Variants in LMTK2 observed in about 807,000 individuals in gnomAD.
LMTK2 encodes the protein serine/threonine-protein kinase LMTK2.
LMTK2 carries 37 observed loss-of-function variants against 127.5 expected under a neutral mutation model. The ratio of observed to expected loss-of-function variants is 0.29; its 90% CI spans 0.22 to 0.38. LMTK2 has a LOEUF of 0.38. Among genes scored for constraint, LMTK2 ranks in the 10% least tolerant of loss-of-function variants. The pLI, the probability that LMTK2 is intolerant of heterozygous loss-of-function variation, is 1.00. For synonymous variants in LMTK2, 819 were observed against 810.1 expected (o/e 1.01, Z -0.19); for missense variants, 1,694 against 1,920.3 (o/e 0.88, Z 2.20).
At chr7:98,126,390 T>G (rs543538789) in intron 1 of LMTK2, among the ~76,000 whole-genome samples, 52 of 152,332 alleles carry the variant, frequency 3.4e-4, no homozygotes, top group African/African-American at 1.1e-3. Flanking sequence ...TCTCTCCTTC[T>G]GGGACTAGAT....
Position 98,171,535 on chromosome 7 carries a change from T to C in LMTK2, c.658-6T>C. 6.2e-7 allele frequency: 1 copy of C among 1,614,082 alleles called. No individual in the cohort carries two copies. The highest frequency in any genetic ancestry group is 8.5e-7 in the Non-Finnish European group (1 of 1,180,050). On this transcript the variant is annotated splice_region_variant and splice_polypyrimidine_tract_variant and intron_variant, in intron 6 of 13. Transcript: ENST00000297293. The surrounding 1 kb of genome is among the most constrained non-coding windows in gnomAD (Gnocchi z 5.1). ...TTTGGAAACTCACACGGGCTGACTT[T>C]TGCAGGGTGACCTGAAGGCGTATCT...
rs145912351 is a variant in LMTK2 at position 98,193,546 on chromosome 7, G to A, written c.3081G>A (p.Pro1027=). ...TPQKLVPPDK[P]ADSGYETENL... is the part of the protein sequence containing the mutation. Reference sequence around the variant, plus strand: ...AGAAACTAGTGCCCCCCGATAAGCCGGCAGACAGTGGCTACGAAACAGAGA... The same window carrying A: ...AGAAACTAGTGCCCCCCGATAAGCCAGCAGACAGTGGCTACGAAACAGAGA... Residue 1027 remains proline (P), a synonymous_variant, in exon 11 of 14, where the codon CCG becomes CCA. Coordinates refer to ENST00000297293, the MANE Select transcript of LMTK2 (RefSeq NM_014916.4). The surrounding 1 kb of genome is among the most constrained non-coding windows in gnomAD (Gnocchi z 4.1). 2.0e-4 allele frequency: 316 copies of A among 1,614,102 alleles called. 1 individual carries two copies. Among genetic ancestry groups the A allele is most frequent in the Middle Eastern group, 8.3e-4 (5 of 6,060 alleles).
chr7:98,133,665 G>A (rs1796556741), intron 1 of LMTK2, among the ~76,000 whole-genome samples: 1 of 152,118 alleles, frequency 6.6e-6, no homozygotes, highest in Non-Finnish European at 1.5e-5. Flanking sequence ...TTGAGTAAGT[G>A]TGGTTCACAC....
intron 4 of LMTK2, among the ~76,000 whole-genome samples, chr7:98,152,593 T>G (rs1395711361): frequency 1.3e-5 from 2 of 152,110 alleles, no homozygotes; most frequent in African/African-American, 2.4e-5. Flanking sequence ...TTCACAAGGC[T>G]TAGATATCTA....
intron 1 of LMTK2, among the ~76,000 whole-genome samples, chr7:98,110,678 G>A (rs1203150342): frequency 6.6e-6 from 1 of 152,064 alleles, no homozygotes; most frequent in Non-Finnish European, 1.5e-5. Context: ...TCTTGTATAT[G>A]TGAACGAATT....
At chr7:98,139,566 A>G (rs1437566493) in intron 2 of LMTK2, among the ~76,000 whole-genome samples, 1 of 152,222 alleles carries the variant, frequency 6.6e-6, no homozygotes, top group Non-Finnish European at 1.5e-5. Context: ...AGAGAGCCCT[A>G]TTTAGGAATG....
In LMTK2 at chr7:98,123,063, A is replaced by G. The variant is rs574985855; in HGVS notation, c.104-14252A>G. Among the ~76,000 whole-genome samples the G allele has an allele frequency of 2.6e-5, 4 of 151,964 alleles. No individual in the cohort carries two copies. In the South Asian group the frequency reaches 6.2e-4, roughly 24 times the overall value. ...AAAATTAAATAGTTTTTCAGGGTTT[A>G]TCATAAAAATAGTGAATCCCTGTCC... On this transcript the variant is annotated intron_variant, in intron 1 of 13. Transcript: ENST00000297293.
intron 1 of LMTK2, among the ~76,000 whole-genome samples, chr7:98,130,439 CTCT>C (rs1173911353): frequency 1.3e-5 from 2 of 152,132 alleles, no homozygotes; most frequent in African/African-American, 2.4e-5. Context: ...TGGTCTTTGG[CTCT>C]TCTTTGTTTT....
At chr7:98,108,856 C>CTTTTTT (rs11345679) in intron 1 of LMTK2, among the ~76,000 whole-genome samples, 2 of 100,778 alleles carry the variant, frequency 2.0e-5, no homozygotes, top group African/African-American at 3.6e-5. Context: ...TGCCTGCACA[C>CTTTTTT]TTTTTTTTTT....
Position 98,154,887 on chromosome 7 carries a change from C to T in LMTK2, c.569+11C>T. On this transcript the variant is annotated intron_variant, in intron 5 of 13. Transcript: ENST00000297293. ...TGGAGAACCTTACTAGTAAGTAAAC[C>T]TTGTCATGTGTTCTGTAAGACTAGT... 6.9e-7 allele frequency: 1 copy of T among 1,456,486 alleles called. No individual in the cohort carries two copies. The highest frequency in any genetic ancestry group is 1.1e-5 in the South Asian group (1 of 87,988). 90.2% of individuals were successfully genotyped at this position (1,456,486 alleles called of 1,614,324 possible). A position where few individuals can be genotyped will look rare whatever the true frequency, so the allele number is the denominator to read the frequency against.
intron 6 of LMTK2, among the ~76,000 whole-genome samples, chr7:98,167,768 C>A (rs1250359540): frequency 1.3e-5 from 2 of 152,140 alleles, no homozygotes; most frequent in Non-Finnish European, 2.9e-5. Context: ...GTGGCTGAAA[C>A]CCCTGGTCGG....
At chr7:98,183,420 T>G (rs1239880176) in intron 7 of LMTK2, among the ~76,000 whole-genome samples, 1 of 152,188 alleles carries the variant, frequency 6.6e-6, no homozygotes, top group African/African-American at 2.4e-5. Context: ...TTTTTTATTT[T>G]TTGAGTACCC....
At chr7:98,149,240 G>C (rs1318197530) in intron 3 of LMTK2, among the ~76,000 whole-genome samples, 1 of 152,202 alleles carries the variant, frequency 6.6e-6, no homozygotes, top group Admixed American at 6.5e-5. Flanking sequence ...ACCCACCTGG[G>C]AACACAGGTC....
intron 7 of LMTK2, among the ~76,000 whole-genome samples, chr7:98,178,738 T>C (rs1021877719): frequency 3.3e-5 from 5 of 152,368 alleles, no homozygotes; most frequent in African/African-American, 1.2e-4. Context: ...TTACCAACTT[T>C]GGCCCAAATT....
In LMTK2 at chr7:98,191,743, G is replaced by T; in HGVS notation, c.1278G>T (p.Trp426Cys). Residue 426 changes from tryptophan (W) to cysteine (C), a missense_variant, in exon 11 of 14, where the codon TGG (tryptophan) becomes TGT (cysteine). By Grantham distance (215) the Trp-to-Cys change is radical. This residue lies in a region of LMTK2 where 216 missense variants were observed against 266.8 expected (regional missense o/e 0.81). Transcript: ENST00000297293. ...RDSEVDFEQQ[W>C]NALKPNTNSR... ...CAGAGGTCGACTTTGAACAGCAGTG[G>T]AACGCTCTGAAGCCGAACACAAACA... 6.2e-7 allele frequency: 1 copy of T among 1,614,124 alleles called. No homozygotes were observed. The highest frequency in any genetic ancestry group is 1.3e-5 in the African/African-American group (1 of 75,030).
chr7:98,159,187 C>CT (rs1168225897), intron 5 of LMTK2, 151 bp from the exon 6 acceptor site: 7 of 485,006 alleles, frequency 1.4e-5, no homozygotes, highest in Admixed American at 7.8e-5. Flanking sequence ...TCTTCGTGAT[C>CT]TTTTTAGCCT....
chr7:98,194,695 C>CA lies in LMTK2; in HGVS notation c.4107+128dup. On this transcript the variant is annotated intron_variant, in intron 11 of 13. Transcript: ENST00000297293. The surrounding 1 kb of genome is among the most constrained non-coding windows in gnomAD (Gnocchi z 5.4). ...TGAGGCAGCAGATTGTGATTACTCA[C>CA]AAAAAGTAATTTGGGGTTGGTTAGA... 1.1e-6 allele frequency: 1 copy of CA among 870,472 alleles called. No homozygotes were observed. Among genetic ancestry groups the CA allele is most frequent in the Non-Finnish European group, 1.7e-6 (1 of 583,206 alleles). 53.9% of individuals were successfully genotyped at this position (870,472 alleles called of 1,614,324 possible).
In LMTK2 at chr7:98,156,122, A is replaced by G. The variant is rs12536312; in HGVS notation, c.569+1246A>G. ...CAAATAAGCACATGAAAAGACGTTC[A>G]GTGTCATGAGCTACTAAAGTAATGA... is the stretch of plus-strand genomic sequence containing the variant. On this transcript the variant is annotated intron_variant, in intron 5 of 13. Coordinates refer to ENST00000297293, the MANE Select transcript of LMTK2 (RefSeq NM_014916.4). Among the ~76,000 whole-genome samples the G allele has an allele frequency of 0.031, 4,648 of 152,312 alleles. 412 individuals carry two copies. In the East Asian group the frequency reaches 0.33, roughly 11 times the overall value.
intron 1 of LMTK2, among the ~76,000 whole-genome samples, chr7:98,117,380 T>C (rs1216649395): frequency 6.6e-6 from 1 of 152,238 alleles, no homozygotes; most frequent in African/African-American, 2.4e-5. Flanking sequence ...TATTTCTTTA[T>C]TCAAGCATTT....
Sources: gnomAD v4.1 joint callset for allele counts (sites outside exome capture counted in the v4.1 genomes callset) on GRCh38, gnomAD v4.1.1 for gene constraint, gnomAD v4.1.1 regional missense constraint, Gnocchi (gnomAD v3.1) non-coding constraint, MANE v1.5 for transcripts, NCBI Gene and HGNC (gene_info 2026-07-23, HGNC 2026-07-21) for gene names.